LRRC40: variants seen among roughly 807,000 people sequenced by gnomAD.
LRRC40 encodes the protein leucine-rich repeat-containing protein 40.
A neutral mutation model predicts 72.8 loss-of-function variants in LRRC40; 76 were observed. The observed-to-expected ratio is 1.04, with a 90% CI of 0.87 to 1.26. The LOEUF (loss-of-function observed/expected upper bound fraction) is 1.26. Ranked by LOEUF, LRRC40 falls within the 50% of genes most tolerant of loss-of-function variation. LRRC40 has a pLI of 0.00. For synonymous variants in LRRC40, 243 were observed against 254.2 expected, an observed-to-expected ratio of 0.96 and a Z score of 0.42; for missense variants, 684 against 698.9, an observed-to-expected ratio of 0.98 and a Z score of 0.24.
intron 5 of LRRC40, among the ~76,000 whole-genome samples, chr1:70,179,732 G>A (rs1571472656): frequency 6.6e-6 from 1 of 151,982 alleles, no homozygotes; most frequent in Non-Finnish European, 1.5e-5. Flanking sequence ...AAAAGTCCAT[G>A]CTGCTTATGT....
Position 70,155,796 on chromosome 1 carries a change from A to G in LRRC40, c.1221T>C (p.Ser407=), listed in dbSNP as rs1039700023. ...CAGGAATCAAAGTTGCTTGTTTATCACTAAATGAAAAATGGTTTTAAAAAA... is the reference window on the plus strand; with the variant it reads ...CAGGAATCAAAGTTGCTTGTTTATCGCTAAATGAAAAATGGTTTTAAAAAA... ...AIITLKILDY[S]DKQATLIPDE... Residue 407 remains serine (S), a splice_region_variant and synonymous_variant, in exon 11 of 15, where the codon AGT becomes AGC. Transcript: ENST00000370952. The G allele has an allele frequency of 2.0e-6, 3 of 1,516,112 alleles. No individual in the cohort carries two copies. The highest frequency in any genetic ancestry group is 2.7e-6 in the Non-Finnish European group (3 of 1,107,822). The allele number at this position is 1,516,112 out of a possible 1,614,324, so 93.9% of individuals were successfully genotyped here. A position where few individuals can be genotyped will look rare whatever the true frequency, so the allele number is the denominator to read the frequency against.
At chr1:70,151,644 C>A (rs1667494003) in intron 12 of LRRC40, 1 of 152,254 alleles carries the variant, frequency 6.6e-6, no homozygotes, top group African/African-American at 2.4e-5. Flanking sequence ...TAAAAAGATT[C>A]TATTAAGAGA....
At chr1:70,154,047 T>C (rs1426456318) in intron 11 of LRRC40, among the ~76,000 whole-genome samples, 1 of 150,958 alleles carries the variant, frequency 6.6e-6, no homozygotes, top group African/African-American at 2.4e-5. Flanking sequence ...AAATAAAATA[T>C]GCAGTATGCC....
At chr1:70,197,330 T>A (rs1165022799) in intron 1 of LRRC40, among the ~76,000 whole-genome samples, 1 of 151,776 alleles carries the variant, frequency 6.6e-6, no homozygotes, top group Non-Finnish European at 1.5e-5. Context: ...CAGGCTGGAG[T>A]ACAGTGGTGT....
chr1:70,197,806 G>T (rs1668649165), intron 1 of LRRC40, among the ~76,000 whole-genome samples: 1 of 152,030 alleles, frequency 6.6e-6, no homozygotes. Flanking sequence ...GTGGCTGGGT[G>T]CAGTGGCTCA....
At chr1:70,164,092 G>A (rs1667825609) in intron 9 of LRRC40, among the ~76,000 whole-genome samples, 1 of 151,982 alleles carries the variant, frequency 6.6e-6, no homozygotes, top group Non-Finnish European at 1.5e-5. Context: ...TTTTTTATAA[G>A]AGTGCCAATC....
intron 1 of LRRC40, among the ~76,000 whole-genome samples, chr1:70,192,611 A>T (rs779324989): frequency 6.6e-6 from 1 of 152,190 alleles, no homozygotes; most frequent in Non-Finnish European, 1.5e-5. Flanking sequence ...TGGTACATAT[A>T]CATCATGGAA....
chr1:70,186,783 T>C (rs1223244260), intron 3 of LRRC40, among the ~76,000 whole-genome samples: 1 of 152,208 alleles, frequency 6.6e-6, no homozygotes. Context: ...TGTACCAGTA[T>C]GTCCATGACA....
chr1:70,161,230 G>A (rs1667753202), intron 9 of LRRC40, among the ~76,000 whole-genome samples: 1 of 151,574 alleles, frequency 6.6e-6, no homozygotes, highest in South Asian at 2.1e-4. Context: ...GGCTACTGGT[G>A]CCCGCCACCA....
chr1:70,174,382 C>T (rs867380094), intron 7 of LRRC40, among the ~76,000 whole-genome samples: 1 of 151,992 alleles, frequency 6.6e-6, no homozygotes, highest in African/African-American at 2.4e-5. Context: ...CAGTCACTTT[C>T]GAAAGTGGAG....
chr1:70,204,131 G>C (rs1668827934), intron 1 of LRRC40, among the ~76,000 whole-genome samples: 1 of 152,190 alleles, frequency 6.6e-6, no homozygotes, highest in Non-Finnish European at 1.5e-5. Context: ...AACCACCTGA[G>C]TCTAGTCAAT....
chr1:70,147,101 T>G (rs1667324372), intron 14 of LRRC40: 4 of 152,228 alleles, frequency 2.6e-5, no homozygotes, highest in Admixed American at 2.6e-4. Context: ...CACTAAAGTT[T>G]ATACCCCCAA....
At chr1:70,202,126 T>C (rs2100357981) in intron 1 of LRRC40, among the ~76,000 whole-genome samples, 1 of 152,344 alleles carries the variant, frequency 6.6e-6, no homozygotes, top group Non-Finnish European at 1.5e-5. Flanking sequence ...TACACATTAG[T>C]AGTCTGACAG....
chr1:70,189,297 G>GC, intron 1 of LRRC40, 24 bp from the exon 2 acceptor site: 16 of 770,522 alleles, frequency 2.1e-5, no homozygotes, highest in African/African-American at 2.5e-5. Context: ...CACCACACCA[G>GC]GAAAAAAAAA....
In LRRC40 at chr1:70,168,293, G is replaced by A. The variant is rs984867395; in HGVS notation, c.1111+5172C>T. ...GGCTCTACCTTGAGCTTGGCATGAT[G>A]AGAATACTGGGGCCCTGACTGCTCT... is the stretch of plus-strand genomic sequence containing the variant. On this transcript the variant is annotated intron_variant, in intron 9 of 14. Transcript: ENST00000370952. Among the ~76,000 whole-genome samples the A allele has an allele frequency of 9.2e-5, 14 of 152,314 alleles. No individual in the cohort carries two copies. The East Asian group carries it at 2.7e-3, about 29-fold the overall frequency.
intron 1 of LRRC40, among the ~76,000 whole-genome samples, chr1:70,198,618 C>G (rs1398067005): frequency 6.6e-6 from 1 of 152,146 alleles, no homozygotes; most frequent in Admixed American, 6.5e-5. Flanking sequence ...TGGTTATTAA[C>G]AATTATTCCT....
intron 4 of LRRC40, among the ~76,000 whole-genome samples, chr1:70,182,652 ATT>A (rs1294325508): frequency 6.6e-6 from 1 of 152,070 alleles, no homozygotes; most frequent in East Asian, 1.9e-4. Context: ...GCAGTTAGTA[ATT>A]GTTAGATATA....
intron 9 of LRRC40, among the ~76,000 whole-genome samples, chr1:70,170,304 A>G (rs1220001037): frequency 1.3e-5 from 2 of 152,214 alleles, no homozygotes; most frequent in Admixed American, 6.5e-5. Flanking sequence ...AATGTTACTT[A>G]ACAATGAAAA....
At chr1:70,166,067 C>T (rs1435079917) in intron 9 of LRRC40, among the ~76,000 whole-genome samples, 1 of 152,198 alleles carries the variant, frequency 6.6e-6, no homozygotes. Flanking sequence ...ATTATGCACA[C>T]ACATAATTGT....
Sources: allele counts gnomAD v4.1 joint callset (sites outside exome capture counted in the v4.1 genomes callset), GRCh38; gene constraint gnomAD v4.1.1; transcripts MANE v1.5; gene names NCBI Gene and HGNC (gene_info 2026-07-23, HGNC 2026-07-21).